The following ADAMTS9 variants were observed in gnomAD, a reference collection of about 807,000 sequenced individuals.
ADAMTS9 encodes A disintegrin and metalloproteinase with thrombospondin motifs 9.
In ADAMTS9, 107 loss-of-function variants were observed where a neutral mutation model predicts 257.1. The ratio of observed to expected loss-of-function variants is 0.42; its 90% CI spans 0.36 to 0.49. The LOEUF (loss-of-function observed/expected upper bound fraction) is 0.49, where lower values mean the gene tolerates loss of function less well. ADAMTS9 is among the 20% of genes least tolerant of loss of function. ADAMTS9 has a pLI of 0.03. For missense variants in ADAMTS9, 2,353 were observed against 2,469.1 expected (o/e 0.95, Z 1.00); for synonymous variants, 982 against 880.9 (o/e 1.11, Z -2.03).
At chr3:64,602,322 GC>G in intron 25 of ADAMTS9, 109 bp from the exon 26 acceptor site, 6 of 1,310,266 alleles carry the variant, frequency 4.6e-6, no homozygotes, top group Non-Finnish European at 4.2e-6. Flanking sequence ...AATTGCTCAG[GC>G]CAAAAACCTT....
At chr3:64,537,793 A>G (rs1460580021) in intron 37 of ADAMTS9, among the ~76,000 whole-genome samples, 1 of 152,216 alleles carries the variant, frequency 6.6e-6, no homozygotes, top group Non-Finnish European at 1.5e-5. Flanking sequence ...AACCTAAGAG[A>G]AAACTGGCCA....
chr3:64,629,440 G>A (rs552613724), intron 16 of ADAMTS9, among the ~76,000 whole-genome samples: 2 of 152,206 alleles, frequency 1.3e-5, no homozygotes, highest in South Asian at 4.1e-4. Context: ...TGCTCACTTG[G>A]CAACAGCCAT....
At chr3:64,658,929 T>G in intron 3 of ADAMTS9, 138 bp from the exon 4 acceptor site, 2 of 856,934 alleles carry the variant, frequency 2.3e-6, no homozygotes, top group Non-Finnish European at 3.6e-6. Context: ...ACTCTACAGA[T>G]GCACCTCAAT....
At chr3:64,531,909 C>T (rs573880515) in intron 38 of ADAMTS9, among the ~76,000 whole-genome samples, 28 of 152,304 alleles carry the variant, frequency 1.8e-4, no homozygotes, top group African/African-American at 6.5e-4. Context: ...TTTCCACGAG[C>T]CGGGTTTCTG....
intron 22 of ADAMTS9, among the ~76,000 whole-genome samples, chr3:64,607,840 C>T (rs1050553489): frequency 6.6e-6 from 1 of 152,162 alleles, no homozygotes; most frequent in Admixed American, 6.5e-5. Context: ...TACCACACTA[C>T]ATATTCCTCT....
Position 64,650,996 on chromosome 3 carries a change from A to G in ADAMTS9, c.1463+21T>C, listed in dbSNP as rs549828779. ...AGGCCAGGCACTAGAAGTTTGTGCT[A>G]AAAGAATGTTCAAGTCTTACTCTAA... is the stretch of plus-strand genomic sequence containing the variant. On this transcript the variant is annotated intron_variant, in intron 9 of 39. Coordinates refer to ENST00000498707, the MANE Select transcript of ADAMTS9 (RefSeq NM_182920.2). 4 of 1,587,748 alleles carry G rather than the reference A, an allele frequency of 2.5e-6. No individual in the cohort carries two copies. In the South Asian group the frequency reaches 4.7e-5, roughly 19 times the overall value.
intron 38 of ADAMTS9, among the ~76,000 whole-genome samples, chr3:64,523,643 C>A (rs1012316614): frequency 6.6e-6 from 1 of 152,150 alleles, no homozygotes; most frequent in African/African-American, 2.4e-5. Context: ...TATTCATTTG[C>A]AGGTACTTTG....
chr3:64,606,367 T>C (rs988912536), intron 23 of ADAMTS9, among the ~76,000 whole-genome samples: 3 of 152,198 alleles, frequency 2.0e-5, no homozygotes, highest in Non-Finnish European at 2.9e-5. Context: ...AGCTATGAAC[T>C]TGATGTCAAT....
At chr3:64,622,159 A>G (rs1553710611) in intron 18 of ADAMTS9, 39 bp downstream of exon 18, 1 of 1,559,714 alleles carries the variant, frequency 6.4e-7, no homozygotes, top group Admixed American at 2.0e-5. Flanking sequence ...AATAAAATAA[A>G]CTTCTCAAAT....
intron 38 of ADAMTS9, among the ~76,000 whole-genome samples, chr3:64,529,583 C>G (rs1291216226): frequency 6.6e-6 from 1 of 152,138 alleles, no homozygotes. Flanking sequence ...GGGGCCAGAT[C>G]GTAGTAGGTA....
At chr3:64,616,233 C>T in intron 19 of ADAMTS9, 63 bp from the exon 20 acceptor site, 1 of 1,537,284 alleles carries the variant, frequency 6.5e-7, no homozygotes, top group Non-Finnish European at 9.0e-7. Flanking sequence ...TATCTATAGT[C>T]AACTGGTATT....
chr3:64,596,737 C>A, intron 27 of ADAMTS9, 93 bp downstream of exon 27: 1 of 1,480,298 alleles, frequency 6.8e-7, no homozygotes, highest in Non-Finnish European at 9.2e-7. Flanking sequence ...TCTACTAGAG[C>A]TAGTTCTTCT....
chr3:64,606,014 C>T (rs1361719245), intron 23 of ADAMTS9, among the ~76,000 whole-genome samples: 2 of 152,156 alleles, frequency 1.3e-5, no homozygotes, highest in African/African-American at 4.8e-5. Context: ...GAGCGTAGTT[C>T]AGGCATGAAT....
intron 28 of ADAMTS9, chr3:64,582,452 C>A (rs1207791500): frequency 6.6e-6 from 1 of 152,108 alleles, no homozygotes; most frequent in African/African-American, 2.4e-5. Context: ...TCTGACTTAA[C>A]AAATAGGGAC....
intron 38 of ADAMTS9, among the ~76,000 whole-genome samples, chr3:64,532,219 G>A (rs993387443): frequency 1.3e-5 from 2 of 152,192 alleles, no homozygotes; most frequent in Non-Finnish European, 2.9e-5. Flanking sequence ...ATTAAGTCAA[G>A]AATGCATTTA....
intron 16 of ADAMTS9, among the ~76,000 whole-genome samples, chr3:64,628,082 C>T (rs1700270725): frequency 6.6e-6 from 1 of 152,312 alleles, no homozygotes; most frequent in East Asian, 1.9e-4. Flanking sequence ...GGCTTGCACA[C>T]TTTTCATTTG....
intron 30 of ADAMTS9, among the ~76,000 whole-genome samples, chr3:64,553,581 C>A (rs1040062906): frequency 2.0e-5 from 3 of 152,090 alleles, no homozygotes; most frequent in Non-Finnish European, 2.9e-5. Flanking sequence ...ATTGCTGGGT[C>A]ATATAGTATG....
Position 64,539,144 on chromosome 3 carries a change from T to A in ADAMTS9, c.5613+59A>T, listed in dbSNP as rs531003664. On this transcript the variant is annotated intron_variant, in intron 37 of 39. Transcript: ENST00000498707. ...TCCCAGGAACAGATGCAACTGAGGA[T>A]GTTCCCGGGAAAGGTGGGAGGTGAA... The A allele has an allele frequency of 4.1e-5, 62 of 1,495,082 alleles. 1 individual carries two copies. The South Asian group carries it at 6.6e-4, about 16-fold the overall frequency. The allele number at this position is 1,495,082 out of a possible 1,614,324, so 92.6% of individuals were successfully genotyped here. A position where few individuals can be genotyped will look rare whatever the true frequency, so the allele number is the denominator to read the frequency against.
At position 64,607,057 on chromosome 3, in the gene ADAMTS9, C is replaced by T. The variant is rs1191551658; in HGVS notation, c.3377G>A (p.Gly1126Glu). 1.2e-6 allele frequency: 2 copies of T among 1,613,686 alleles called. No individual in the cohort carries two copies. Among genetic ancestry groups the T allele is most frequent in the Admixed American group, 1.7e-5 (1 of 59,992 alleles). The part of the protein sequence containing the change: ...WGQCSVTCGQ[G>E]YQLRAVKCII... ...GCATTTCACTGCTCTTAGCTGGTAT[C>T]CCTGTCCACAAGTGACACTGCACTG... The change falls in exon 23 of 40, where the codon GGA (glycine) becomes GAA (glutamate). Residue 1126 changes from glycine to glutamate, a missense_variant. Physicochemically the swap from Gly to Glu is moderately conservative, Grantham distance 98. Coordinates refer to ENST00000498707, the MANE Select transcript of ADAMTS9 (RefSeq NM_182920.2).
Sources: allele counts gnomAD v4.1 joint callset (sites outside exome capture counted in the v4.1 genomes callset), GRCh38; gene constraint gnomAD v4.1.1; transcripts MANE v1.5; gene names NCBI Gene and HGNC (gene_info 2026-07-23, HGNC 2026-07-21).